Variants in MTUS2 observed in about 807,000 individuals in gnomAD.
The protein encoded by MTUS2 is microtubule associated scaffold protein 2.
A neutral mutation model predicts 114.1 loss-of-function variants in MTUS2; 40 were observed. The ratio of observed to expected loss-of-function variants is 0.35; its 90% confidence interval spans 0.27 to 0.46. The LOEUF (loss-of-function observed/expected upper bound fraction) is 0.46, where lower values mean the gene tolerates loss of function less well. MTUS2 is among the 20% of genes least tolerant of loss of function. MTUS2 has a pLI of 1.00. For synonymous variants in MTUS2, 688 were observed against 672.0 expected (o/e 1.02, Z -0.37); for missense variants, 1,679 against 1,705.4 (o/e 0.98, Z 0.27).
chr13:28,951,389 G>A (rs1016300756), intron 2 of MTUS2, among the ~76,000 whole-genome samples: 1 of 152,120 alleles, frequency 6.6e-6, no homozygotes, highest in African/African-American at 2.4e-5. Flanking sequence ...ACATTTTATA[G>A]TCTTTCACCA....
rs1234075189 is a variant in MTUS2, at chr13:29,227,271, A to AAG, written c.2645-54432_2645-54431insGA. On this transcript the variant is annotated intron_variant, in intron 5 of 15. Transcript: ENST00000612955. ...AAGACTCCGTCTCAAAAAAAAAAAA[A>AAG]AAAAAGAAACTGCGTAGAGGCAGCT... is the stretch of plus-strand genomic sequence containing the variant. Among the ~76,000 whole-genome samples, 8 of 151,662 alleles carry AAG rather than the reference A, an allele frequency of 5.3e-5. No individual in the cohort carries two copies. In the South Asian group the frequency reaches 1.7e-3, roughly 32 times the overall value.
chr13:28,993,102 T>C (rs1363166508), intron 2 of MTUS2, among the ~76,000 whole-genome samples: 4 of 152,264 alleles, frequency 2.6e-5, no homozygotes, highest in African/African-American at 9.6e-5. Flanking sequence ...TATTTCATTG[T>C]ATGTATATAT....
At chr13:28,859,118 C>G (rs966798273) in intron 2 of MTUS2, among the ~76,000 whole-genome samples, 2 of 152,142 alleles carry the variant, frequency 1.3e-5, no homozygotes, top group Non-Finnish European at 2.9e-5. Context: ...CACATTTGCT[C>G]TCTCCATAAC....
At chr13:29,279,872 A>G (rs1316725335) in intron 5 of MTUS2, among the ~76,000 whole-genome samples, 13 of 152,256 alleles carry the variant, frequency 8.5e-5, no homozygotes, top group Admixed American at 8.5e-4. Flanking sequence ...TGAACTCTAC[A>G]GATGATACAA....
At chr13:29,394,640 A>C (rs1352975864) in intron 8 of MTUS2, among the ~76,000 whole-genome samples, 1 of 152,218 alleles carries the variant, frequency 6.6e-6, no homozygotes, top group Non-Finnish European at 1.5e-5. Context: ...TCTCCCCAGC[A>C]GGGATCCCCA....
chr13:28,976,643 A>G (rs1415445802), intron 2 of MTUS2, among the ~76,000 whole-genome samples: 1 of 152,178 alleles, frequency 6.6e-6, no homozygotes, highest in African/African-American at 2.4e-5. Context: ...GAGAGAATGG[A>G]TATGAGAAAC....
intron 5 of MTUS2, among the ~76,000 whole-genome samples, chr13:29,136,430 G>A (rs992150860): frequency 6.6e-6 from 1 of 152,200 alleles, no homozygotes; most frequent in Non-Finnish European, 1.5e-5. Flanking sequence ...GATAGCTTCA[G>A]GATGGTGTCT....
At chr13:29,166,223 T>C (rs1326763052) in intron 5 of MTUS2, among the ~76,000 whole-genome samples, 1 of 152,216 alleles carries the variant, frequency 6.6e-6, no homozygotes, top group Non-Finnish European at 1.5e-5. Context: ...AATATTTACT[T>C]CTGGATTGGA....
At chr13:29,222,772 C>G (rs1024540822) in intron 5 of MTUS2, among the ~76,000 whole-genome samples, 1 of 152,254 alleles carries the variant, frequency 6.6e-6, no homozygotes, top group South Asian at 2.1e-4. Context: ...CCCTTTCCTA[C>G]AGGCTCAGAA....
chr13:29,125,684 T>C (rs1891484843), intron 5 of MTUS2, among the ~76,000 whole-genome samples: 1 of 152,218 alleles, frequency 6.6e-6, no homozygotes, highest in African/African-American at 2.4e-5. Flanking sequence ...TAGCTTTACC[T>C]GGGAAGTTAT....
In MTUS2 at chr13:29,247,482, G is replaced by A. The variant is rs765897898; in HGVS notation, c.2645-34222G>A. Among the ~76,000 whole-genome samples, 12 of 152,130 alleles carry A rather than the reference G, an allele frequency of 7.9e-5. No homozygotes were observed. The South Asian group carries it at 1.0e-3, about 13-fold the overall frequency. On this transcript the variant is annotated intron_variant, in intron 5 of 15. Transcript: ENST00000612955. ...AAGTAAACAGACAACCCACAGAGTC[G>A]GAGAAAATCTTTGCAAACTATGCAT...
At chr13:29,255,454 A>G (rs1897259159) in intron 5 of MTUS2, among the ~76,000 whole-genome samples, 1 of 152,148 alleles carries the variant, frequency 6.6e-6, no homozygotes, top group African/African-American at 2.4e-5. Context: ...TTGGTTCTAC[A>G]TTTCCTTTGG....
chr13:29,372,256 T>C (rs1412377878), intron 8 of MTUS2, among the ~76,000 whole-genome samples: 1 of 151,878 alleles, frequency 6.6e-6, no homozygotes, highest in Non-Finnish European at 1.5e-5. Context: ...ATTTATCACG[T>C]CTAGCAGCAC....
chr13:28,835,459 C>A (rs1185006262), intron 1 of MTUS2, among the ~76,000 whole-genome samples: 4 of 152,090 alleles, frequency 2.6e-5, no homozygotes, highest in Non-Finnish European at 5.9e-5. Context: ...TAGGCAAATT[C>A]AAGTGACAGA....
At chr13:29,477,750 T>C (rs982419934) in intron 9 of MTUS2, among the ~76,000 whole-genome samples, 1 of 152,142 alleles carries the variant, frequency 6.6e-6, no homozygotes, top group African/African-American at 2.4e-5. Context: ...ACCTAAAAGA[T>C]CTACTTGCAG....
chr13:29,200,521 G>GTTTTTTTTTTTTTTTTTTTTT (rs56965083), intron 5 of MTUS2, among the ~76,000 whole-genome samples: 31 of 85,402 alleles, frequency 3.6e-4, no homozygotes, highest in Non-Finnish European at 4.6e-4. Context: ...TTCTTTTTCT[G>GTTTTTTTTTTTTTTTTTTTTT]TTTTTTTTTT....
intron 2 of MTUS2, among the ~76,000 whole-genome samples, chr13:28,878,842 T>C (rs1034921058): frequency 2.0e-5 from 3 of 152,222 alleles, no homozygotes; most frequent in African/African-American, 7.2e-5. Flanking sequence ...TCTGAGTATA[T>C]ACACAGTAAT....
intron 2 of MTUS2, among the ~76,000 whole-genome samples, chr13:28,890,397 C>G (rs1322925832): frequency 6.6e-6 from 1 of 152,144 alleles, no homozygotes; most frequent in African/African-American, 2.4e-5. Context: ...GCCAGACTAC[C>G]TGGGTTCAAA....
chr13:29,367,489 G>A (rs954803508), intron 8 of MTUS2, among the ~76,000 whole-genome samples: 2 of 152,166 alleles, frequency 1.3e-5, no homozygotes, highest in African/African-American at 2.4e-5. Context: ...CAGCTGCAGC[G>A]CTGTGTTTTA....
Sources: gnomAD v4.1 joint callset for allele counts (sites outside exome capture counted in the v4.1 genomes callset) on GRCh38, gnomAD v4.1.1 for gene constraint, MANE v1.5 for transcripts, NCBI Gene and HGNC (gene_info 2026-07-23, HGNC 2026-07-21) for gene names.